Variants in CLEC16A observed in about 807,000 individuals in gnomAD.
The protein encoded by CLEC16A is protein CLEC16A.
Under a neutral mutation model 109.5 loss-of-function variants are expected in CLEC16A, and 51 were observed. That is an observed-to-expected ratio of 0.47 (90% CI 0.37 to 0.59). The LOEUF is 0.59. Among genes scored for constraint, CLEC16A ranks in the 20% least tolerant of loss-of-function variants. The probability of loss-of-function intolerance (pLI) is 0.00; values close to 1 mark genes in which losing one functional copy is unlikely to be tolerated. For missense variants in CLEC16A, 1,339 were observed against 1,394.0 expected (o/e 0.96, Z 0.63); for synonymous variants, 673 against 564.2 (o/e 1.19, Z -2.73).
rs62029615 is a variant in CLEC16A at position 11,107,985 on chromosome 16, G to T, written c.2117-12630G>T. ...CCAGCAGTGCAGTATGGTGGCCAAG[G>T]CCCCTCCTGCAGCTGCATTCTGTCA... is the stretch of plus-strand genomic sequence containing the variant. On this transcript the variant is annotated intron_variant, in intron 19 of 23. Coordinates refer to ENST00000409790, the MANE Select transcript of CLEC16A (RefSeq NM_015226.3). Among the ~76,000 whole-genome samples the T allele has an allele frequency of 8.3e-3, 1,266 of 152,320 alleles. 13 individuals are homozygous for T. The highest frequency in any genetic ancestry group is 0.011 in the Non-Finnish European group (769 of 68,030).
At chr16:11,082,133 C>G (rs751372963) in intron 19 of CLEC16A, among the ~76,000 whole-genome samples, 2 of 152,234 alleles carry the variant, frequency 1.3e-5, no homozygotes, top group African/African-American at 4.8e-5. Flanking sequence ...GTGCATGTCT[C>G]CCTTGATTTT....
chr16:10,945,849 C>A (rs760516107), intron 1 of CLEC16A, among the ~76,000 whole-genome samples: 2 of 152,168 alleles, frequency 1.3e-5, no homozygotes, highest in African/African-American at 2.4e-5. Context: ...TGCGATTATT[C>A]TTTATTTTTT....
chr16:11,148,780 G>T (rs1012380402), intron 22 of CLEC16A, among the ~76,000 whole-genome samples: 1 of 152,090 alleles, frequency 6.6e-6, no homozygotes, highest in South Asian at 2.1e-4. Flanking sequence ...ATGAGCCAAC[G>T]GCTGGCACCC....
intron 13 of CLEC16A, among the ~76,000 whole-genome samples, chr16:11,028,441 C>A (rs1162137806): frequency 6.6e-6 from 1 of 150,376 alleles, no homozygotes; most frequent in East Asian, 2.0e-4. Flanking sequence ...AGCCCAAGGA[C>A]ATAATTGAAT....
chr16:11,001,813 G>C (rs1277096915), intron 10 of CLEC16A, among the ~76,000 whole-genome samples: 1 of 152,064 alleles, frequency 6.6e-6, no homozygotes, highest in Non-Finnish European at 1.5e-5. Flanking sequence ...GGCCATCTCT[G>C]ACTTTTTAAA....
chr16:10,948,189 G>C (rs566575470), intron 1 of CLEC16A, among the ~76,000 whole-genome samples: 2 of 152,148 alleles, frequency 1.3e-5, no homozygotes, highest in East Asian at 3.9e-4. Context: ...CACTGCACCC[G>C]GCCTAGACTT....
chr16:11,069,112 C>T (rs952137586), intron 19 of CLEC16A, among the ~76,000 whole-genome samples: 3 of 151,934 alleles, frequency 2.0e-5, no homozygotes, highest in Admixed American at 6.6e-5. Context: ...GGATTACAGG[C>T]ATGAGCCATT....
At chr16:10,968,524 G>C (rs917132469) in intron 3 of CLEC16A, among the ~76,000 whole-genome samples, 1 of 152,168 alleles carries the variant, frequency 6.6e-6, no homozygotes, top group African/African-American at 2.4e-5. Flanking sequence ...TCTGACATCA[G>C]ACCTAAGTTT....
chr16:10,957,043 C>T (rs549664456), intron 1 of CLEC16A, among the ~76,000 whole-genome samples: 2 of 152,290 alleles, frequency 1.3e-5, no homozygotes, highest in South Asian at 4.1e-4. Context: ...GTGATCCACC[C>T]ACCTTGGCCT....
intron 10 of CLEC16A, among the ~76,000 whole-genome samples, chr16:11,000,502 G>A (rs2044605375): frequency 6.6e-6 from 1 of 152,186 alleles, no homozygotes; most frequent in African/African-American, 2.4e-5. Context: ...ATGGGAGGAA[G>A]CTAACTTCCT....
chr16:11,140,974 A>C lies in CLEC16A; in HGVS notation c.2641+14828A>C, dbSNP rs1261521976. ...GAGCTTAGCTGGGCCAGCATTTTAC[A>C]TGTGAGTGCTTCACGTTATCGTAGT... On this transcript the variant is annotated intron_variant, in intron 22 of 23. Coordinates refer to ENST00000409790, the MANE Select transcript of CLEC16A (RefSeq NM_015226.3). Among the ~76,000 whole-genome samples, 4 of 152,326 alleles carry C rather than the reference A, an allele frequency of 2.6e-5. No homozygotes were observed. In the South Asian group the frequency reaches 8.3e-4, roughly 32 times the overall value.
At chr16:11,126,264 C>T in intron 22 of CLEC16A, 118 bp downstream of exon 22, 1 of 1,556,376 alleles carries the variant, frequency 6.4e-7, no homozygotes, top group Non-Finnish European at 8.7e-7. Flanking sequence ...CGTCGGCTGG[C>T]AGCACCAGCT....
At chr16:10,976,719 T>C (rs1239329157) in intron 7 of CLEC16A, among the ~76,000 whole-genome samples, 1 of 152,192 alleles carries the variant, frequency 6.6e-6, no homozygotes, top group Non-Finnish European at 1.5e-5. Context: ...ATCCCCAGCA[T>C]GCTGTTGCTA....
intron 13 of CLEC16A, among the ~76,000 whole-genome samples, chr16:11,025,448 G>A (rs75095995): frequency 0.029 from 4,431 of 152,218 alleles, 148 homozygotes; most frequent in Middle Eastern, 0.15. Flanking sequence ...CTCCCATGGG[G>A]TTGACAGGTT....
At chr16:10,977,548 C>CTTTTACCCAGGCTGGAG in intron 8 of CLEC16A, 149 bp downstream of exon 8, 2 of 797,052 alleles carry the variant, frequency 2.5e-6, no homozygotes, top group South Asian at 3.7e-5. Context: ...GAGTTTTGCT[C>CTTTTACCCAGGCTGGAG]TTTTACCCAG....
At chr16:11,049,609 A>G (rs1291449151) in intron 17 of CLEC16A, among the ~76,000 whole-genome samples, 1 of 152,222 alleles carries the variant, frequency 6.6e-6, no homozygotes, top group Non-Finnish European at 1.5e-5. Flanking sequence ...CTCAGCCTTC[A>G]GGAATGCAGC....
intron 22 of CLEC16A, among the ~76,000 whole-genome samples, chr16:11,154,110 A>C (rs1156793556): frequency 2.0e-5 from 3 of 152,264 alleles, no homozygotes; most frequent in Non-Finnish European, 1.5e-5. Context: ...ATGCGCAGAC[A>C]GGGCAAAGAG....
intron 17 of CLEC16A, 42 bp downstream of exon 17, chr16:11,047,384 G>T: frequency 2.7e-6 from 4 of 1,507,682 alleles, no homozygotes; most frequent in East Asian, 2.5e-5. Context: ...GTGTGCGCCT[G>T]TGTCCCTGCC....
chr16:11,162,980 T>A (rs1419546159), intron 22 of CLEC16A, among the ~76,000 whole-genome samples: 1 of 152,190 alleles, frequency 6.6e-6, no homozygotes, highest in East Asian at 1.9e-4. Context: ...GAGCCAAGAC[T>A]GTTATCACTG....
Sources: gnomAD v4.1 joint callset for allele counts (sites outside exome capture counted in the v4.1 genomes callset) on GRCh38, gnomAD v4.1.1 for gene constraint, MANE v1.5 for transcripts, NCBI Gene and HGNC (gene_info 2026-07-23, HGNC 2026-07-21) for gene names.